The following MYBL2 variants were observed in gnomAD, a reference collection of about 807,000 sequenced individuals.
The protein encoded by MYBL2 is MYB proto-oncogene like 2.
Under a neutral mutation model 79.9 loss-of-function variants are expected in MYBL2, and 28 were observed. That is an observed-to-expected ratio of 0.35 (90% CI 0.26 to 0.48). The LOEUF (loss-of-function observed/expected upper bound fraction) is 0.48, where lower values mean the gene tolerates loss of function less well. Ranked by LOEUF, MYBL2 falls within the 20% of genes least tolerant of loss-of-function variation. The probability of loss-of-function intolerance (pLI) is 0.99; values close to 1 mark genes in which losing one functional copy is unlikely to be tolerated. For missense variants in MYBL2, 735 were observed against 893.9 expected (o/e 0.82, Z 2.27); for synonymous variants, 378 against 361.2 (o/e 1.05, Z -0.53).
In MYBL2 at chr20:43,682,906, C is replaced by T. The variant is rs1387345041; in HGVS notation, c.279+20C>T. On this transcript the variant is annotated intron_variant, in intron 4 of 13. Transcript: ENST00000217026. The stretch of plus-strand genomic sequence containing the variant: ...CAAAAAGTAACTGCTGGGACAGTGC[C>T]TTGCACACAGTGGGTCTTCACCCAC... 1 of 1,607,142 alleles carries T rather than the reference C, an allele frequency of 6.2e-7. No individual in the cohort carries two copies. The highest frequency in any genetic ancestry group is 8.5e-7 in the Non-Finnish European group (1 of 1,173,982).
Position 43,715,140 on chromosome 20 carries a change from A to C in MYBL2, c.1831A>C (p.Thr611Pro). Residue 611 changes from threonine (T) to proline (P), a missense_variant, in exon 13 of 14, where the codon ACT becomes CCT. Around this residue, in one of 5 missense-constraint regions of MYBL2, gnomAD observed 204 missense variants for 202.9 expected, o/e 1.01. Coordinates refer to ENST00000217026, the MANE Select transcript of MYBL2 (RefSeq NM_002466.4). ...GACTTGGTTTTGGTTTCAGCCGACA[A>C]CTGCCCCTTCAAACTCTTCCAGCCT... ...TLPKSLSLPT[T>P]APSNSSSLTL... The C allele has an allele frequency of 6.2e-7, 1 of 1,614,140 alleles. No homozygotes were observed. The highest frequency in any genetic ancestry group is 1.1e-5 in the South Asian group (1 of 91,078).
chr20:43,696,916 G>A (rs1462599042), intron 6 of MYBL2, among the ~76,000 whole-genome samples: 1 of 152,296 alleles, frequency 6.6e-6, no homozygotes, highest in Admixed American at 6.5e-5. Flanking sequence ...TAGTAGAGAT[G>A]GGGTTTCACC....
At chr20:43,684,796 C>T (rs1383070896) in intron 4 of MYBL2, among the ~76,000 whole-genome samples, 1 of 150,910 alleles carries the variant, frequency 6.6e-6, no homozygotes. Context: ...ACGATCACAC[C>T]ACTGTACTCC....
chr20:43,710,505 C>G (rs1987881173), intron 10 of MYBL2, among the ~76,000 whole-genome samples: 1 of 152,152 alleles, frequency 6.6e-6, no homozygotes, highest in Non-Finnish European at 1.5e-5. Context: ...TGCAGGCTGC[C>G]CTTCTCCCCT....
At chr20:43,685,276 G>C (rs1429452458) in intron 4 of MYBL2, among the ~76,000 whole-genome samples, 1 of 151,778 alleles carries the variant, frequency 6.6e-6, no homozygotes, top group African/African-American at 2.4e-5. Flanking sequence ...CTCCTCCTAG[G>C]GACAAGCGAT....
intron 5 of MYBL2, 84 bp downstream of exon 5, chr20:43,687,156 T>C (rs1204367187): frequency 7.1e-7 from 1 of 1,403,654 alleles, no homozygotes; most frequent in Non-Finnish European, 9.8e-7. Context: ...TGGGTGGGTA[T>C]TGTGGTCCTG....
At chr20:43,682,257 A>G (rs1987160104) in intron 3 of MYBL2, among the ~76,000 whole-genome samples, 1 of 151,864 alleles carries the variant, frequency 6.6e-6, no homozygotes, top group Non-Finnish European at 1.5e-5. Context: ...ACCACATTCG[A>G]GTATTTAGAG....
At chr20:43,709,349 A>G (rs556415917) in intron 9 of MYBL2, among the ~76,000 whole-genome samples, 20 of 152,194 alleles carry the variant, frequency 1.3e-4, no homozygotes, top group Non-Finnish European at 2.6e-4. Flanking sequence ...CTGGGGCGTG[A>G]GGTGCCTTTT....
At chr20:43,672,655 T>C (rs1600540545) in intron 1 of MYBL2, among the ~76,000 whole-genome samples, 3 of 152,122 alleles carry the variant, frequency 2.0e-5, no homozygotes, top group East Asian at 1.9e-4. Flanking sequence ...GGTGGGAGAA[T>C]TGGATTGCTT....
chr20:43,715,097 G>C, intron 12 of MYBL2, 37 bp from the exon 13 acceptor site: 2 of 1,608,530 alleles, frequency 1.2e-6, no homozygotes, highest in South Asian at 1.1e-5. Context: ...ACAGCTTCTC[G>C]CAAAATGGTG....
Position 43,699,750 on chromosome 20 carries a change from C to G in MYBL2, c.664-7C>G. On this transcript the variant is annotated splice_polypyrimidine_tract_variant and splice_region_variant and intron_variant, in intron 6 of 13. Transcript: ENST00000217026. Reference sequence around the variant, plus strand: ...AAATGCAAATGGTGTATTCTTGTGTCTTACAGGGAAGTCTTCTGACCAACT... The same window carrying G: ...AAATGCAAATGGTGTATTCTTGTGTGTTACAGGGAAGTCTTCTGACCAACT... The G allele has an allele frequency of 6.2e-7, 1 of 1,613,764 alleles. No individual in the cohort carries two copies. The highest frequency in any genetic ancestry group is 8.5e-7 in the Non-Finnish European group (1 of 1,179,884).
At chr20:43,689,247 A>G (rs1026681075) in intron 5 of MYBL2, among the ~76,000 whole-genome samples, 1 of 152,190 alleles carries the variant, frequency 6.6e-6, no homozygotes, top group Non-Finnish European at 1.5e-5. Context: ...TGGTCCTGGC[A>G]GGGAGAGAAA....
At chr20:43,707,718 T>G (rs990990486) in intron 9 of MYBL2, among the ~76,000 whole-genome samples, 1 of 152,154 alleles carries the variant, frequency 6.6e-6, no homozygotes, top group Non-Finnish European at 1.5e-5. Flanking sequence ...TCTTTAGTTA[T>G]CCCTCAAATT....
chr20:43,707,964 G>A (rs1351408914), intron 9 of MYBL2, among the ~76,000 whole-genome samples: 27 of 152,078 alleles, frequency 1.8e-4, no homozygotes, highest in Admixed American at 1.8e-3. Flanking sequence ...AATCTTCGGA[G>A]AACATGATGG....
chr20:43,705,924 T>A (rs2145731192), intron 9 of MYBL2, among the ~76,000 whole-genome samples: 1 of 150,752 alleles, frequency 6.6e-6, no homozygotes, highest in Non-Finnish European at 1.5e-5. Context: ...ATGGTGTCGA[T>A]CTCCTGACCT....
intron 6 of MYBL2, among the ~76,000 whole-genome samples, chr20:43,695,554 T>G (rs886312683): frequency 6.6e-6 from 1 of 152,126 alleles, no homozygotes; most frequent in Non-Finnish European, 1.5e-5. Context: ...TATTTGGTGG[T>G]GGGGGGAACC....
At position 43,699,950 on chromosome 20, in the gene MYBL2, C is replaced by T. The variant is rs150899100; in HGVS notation, c.857C>T (p.Thr286Met). The T allele has an allele frequency of 2.2e-5, 35 of 1,614,152 alleles. No homozygotes were observed. The East Asian group carries it at 2.7e-4, about 12-fold the overall frequency. Residue 286 changes from threonine (T) to methionine (M), a missense_variant, in exon 7 of 14, where the codon ACG becomes ATG. Physicochemically the swap from Thr to Met is moderately conservative, Grantham distance 81. Coordinates refer to ENST00000217026, the MANE Select transcript of MYBL2 (RefSeq NM_002466.4). ...GACCAGGAAGGCTCCCCACCAGAAACGAGCCTGCCTTACAAGTGGGTGGTG... is the reference window on the plus strand; with the variant it reads ...GACCAGGAAGGCTCCCCACCAGAAATGAGCCTGCCTTACAAGTGGGTGGTG... ...REDQEGSPPE[T>M]SLPYKWVVEA...
At chr20:43,708,014 C>T (rs1600564283) in intron 9 of MYBL2, among the ~76,000 whole-genome samples, 1 of 152,190 alleles carries the variant, frequency 6.6e-6, no homozygotes, top group Admixed American at 6.5e-5. Context: ...TCTGTGGTTT[C>T]CAACTTGCTG....
At chr20:43,697,808 G>C (rs1390256978) in intron 6 of MYBL2, among the ~76,000 whole-genome samples, 3 of 150,322 alleles carry the variant, frequency 2.0e-5, no homozygotes, top group African/African-American at 7.3e-5. Flanking sequence ...CCAGCTACTA[G>C]GGAGGCTGAG....
Sources: gnomAD v4.1 joint callset for allele counts (sites outside exome capture counted in the v4.1 genomes callset) on GRCh38, gnomAD v4.1.1 for gene constraint, gnomAD v4.1.1 regional missense constraint, MANE v1.5 for transcripts, NCBI Gene and HGNC (gene_info 2026-07-23, HGNC 2026-07-21) for gene names.